The following SAMD12 variants were observed in gnomAD, a reference collection of about 807,000 sequenced individuals.
SAMD12 encodes sterile alpha motif domain containing 12.
In SAMD12, 9 loss-of-function variants were observed where a neutral mutation model predicts 15.0. The ratio of observed to expected loss-of-function variants is 0.60; its 90% CI spans 0.36 to 1.05. The LOEUF (loss-of-function observed/expected upper bound fraction) is 1.05, where lower values mean the gene tolerates loss of function less well. Ranked by LOEUF, SAMD12 falls within the 50% of genes least tolerant of loss-of-function variation. The pLI is 0.01. For missense variants in SAMD12, 230 were observed against 234.2 expected, an observed-to-expected ratio of 0.98 and a Z score of 0.12; for synonymous variants, 86 against 90.1, an observed-to-expected ratio of 0.96 and a Z score of 0.25.
intron 2 of SAMD12, among the ~76,000 whole-genome samples, chr8:118,543,307 C>T (rs1025017565): frequency 1.3e-5 from 2 of 152,174 alleles, no homozygotes; most frequent in East Asian, 1.9e-4. Context: ...GTACAACTTC[C>T]AAATCTCTTA....
intron 4 of SAMD12, among the ~76,000 whole-genome samples, chr8:118,253,512 G>C (rs750416406): frequency 1.3e-5 from 2 of 151,654 alleles, no homozygotes; most frequent in Non-Finnish European, 2.9e-5. Context: ...TTGTATCTCA[G>C]GGCCTAGTGA....
Position 118,262,129 on chromosome 8 carries a change from T to C in SAMD12, c.434-64397A>G, listed in dbSNP as rs191706718. Among the ~76,000 whole-genome samples, 361 of 152,116 alleles carry C rather than the reference T, an allele frequency of 2.4e-3. 5 individuals are homozygous for C. Among genetic ancestry groups the C allele is most frequent in the Admixed American group, 0.022 (335 of 15,250 alleles). On this transcript the variant is annotated intron_variant, in intron 4 of 4. Transcript: ENST00000409003. Reference sequence around the variant, plus strand: ...AGAAGTCACAGGCTGGAACTCTCCTTCATCTGATCAACAGCCACTCACTAC... The same window carrying C: ...AGAAGTCACAGGCTGGAACTCTCCTCCATCTGATCAACAGCCACTCACTAC...
chr8:118,549,102 C>A (rs912137378), intron 2 of SAMD12, among the ~76,000 whole-genome samples: 3 of 152,234 alleles, frequency 2.0e-5, no homozygotes, highest in African/African-American at 4.8e-5. Flanking sequence ...GGGGGCAGGG[C>A]ACAGACAAAC....
intron 4 of SAMD12, among the ~76,000 whole-genome samples, chr8:118,233,905 T>A (rs1205064545): frequency 2.0e-5 from 3 of 152,268 alleles, no homozygotes; most frequent in Admixed American, 2.0e-4. Context: ...GTAGCTCCAC[T>A]CAAATGGCAG....
At chr8:118,316,337 A>T (rs924125131) in intron 4 of SAMD12, among the ~76,000 whole-genome samples, 2 of 149,306 alleles carry the variant, frequency 1.3e-5, no homozygotes, top group African/African-American at 2.5e-5. Flanking sequence ...GATCAAGACC[A>T]TCCTGGTCAA....
At chr8:118,427,419 C>T (rs1254937386) in intron 3 of SAMD12, among the ~76,000 whole-genome samples, 2 of 152,146 alleles carry the variant, frequency 1.3e-5, no homozygotes, top group Non-Finnish European at 2.9e-5. Context: ...AGATACAAAA[C>T]ATTTTGACCT....
intron 2 of SAMD12, among the ~76,000 whole-genome samples, chr8:118,443,910 C>G (rs1822828506): frequency 6.6e-6 from 1 of 152,188 alleles, no homozygotes; most frequent in African/African-American, 2.4e-5. Context: ...ATTAGAACAA[C>G]AAGAAGTACA....
chr8:118,389,490 G>C (rs899350712), intron 3 of SAMD12, among the ~76,000 whole-genome samples: 1 of 152,190 alleles, frequency 6.6e-6, no homozygotes. Context: ...GATCACTTGA[G>C]GTCAGGAGTT....
At chr8:118,543,427 A>G (rs1221551110) in intron 2 of SAMD12, among the ~76,000 whole-genome samples, 1 of 152,174 alleles carries the variant, frequency 6.6e-6, no homozygotes, top group Non-Finnish European at 1.5e-5. Context: ...TGATCAAACA[A>G]AAACGCACCT....
At chr8:118,487,838 C>T (rs1200145669) in intron 2 of SAMD12, among the ~76,000 whole-genome samples, 3 of 148,108 alleles carry the variant, frequency 2.0e-5, no homozygotes, top group Non-Finnish European at 4.6e-5. Flanking sequence ...TCCAGCATGG[C>T]TGGACAAATG....
At chr8:118,568,599 C>G (rs1456258435) in intron 2 of SAMD12, among the ~76,000 whole-genome samples, 1 of 152,038 alleles carries the variant, frequency 6.6e-6, no homozygotes, top group Non-Finnish European at 1.5e-5. Flanking sequence ...CAAAATTGAG[C>G]CTGATTTTGA....
chr8:118,152,240 G>T, the SAMD12 span, among the ~76,000 whole-genome samples: 1 of 152,148 alleles, frequency 6.6e-6, no homozygotes, highest in Non-Finnish European at 1.5e-5. Flanking sequence ...AGAGTTTAAA[G>T]TTGGGATCTG....
rs185627674 is a variant in SAMD12 at position 118,207,776 on chromosome 8, A to G, written c.434-10044T>C. ...TTTAATTTCAAGGGCTTCTCTGTTGACTGATCCAACAGATTCTGCATTGGA... is the reference window on the plus strand; with the variant it reads ...TTTAATTTCAAGGGCTTCTCTGTTGGCTGATCCAACAGATTCTGCATTGGA... On this transcript the variant is annotated intron_variant, in intron 4 of 4. Coordinates refer to the SAMD12 transcript ENST00000409003. 3.9e-5 allele frequency among the ~76,000 whole-genome samples: 6 copies of G among 152,124 alleles called. No homozygotes were observed. The East Asian group carries it at 1.2e-3, about 29-fold the overall frequency.
chr8:118,589,686 A>G (rs1451283788), intron 1 of SAMD12, among the ~76,000 whole-genome samples: 1 of 152,190 alleles, frequency 6.6e-6, no homozygotes, highest in Non-Finnish European at 1.5e-5. Flanking sequence ...TGAGAGATTG[A>G]TAAGTGGTCT....
chr8:118,314,542 A>G (rs1563755751), intron 4 of SAMD12, among the ~76,000 whole-genome samples: 1 of 152,194 alleles, frequency 6.6e-6, no homozygotes, highest in Non-Finnish European at 1.5e-5. Context: ...AGCCACATCC[A>G]TCCCTCACTC....
intron 3 of SAMD12, among the ~76,000 whole-genome samples, chr8:118,415,311 G>T (rs1278768753): frequency 7.9e-5 from 12 of 152,036 alleles, no homozygotes; most frequent in Non-Finnish European, 1.5e-5. Flanking sequence ...TTATTCAACT[G>T]GCACCTCTAA....
At chr8:118,281,688 A>G (rs1168366977) in intron 4 of SAMD12, among the ~76,000 whole-genome samples, 1 of 152,146 alleles carries the variant, frequency 6.6e-6, no homozygotes, top group Non-Finnish European at 1.5e-5. Flanking sequence ...AATAGTTCTA[A>G]ACCAGGCTCT....
In SAMD12 at chr8:118,508,025, G is replaced by A. The variant is rs898570994; in HGVS notation, c.193-68064C>T. 3.1e-5 allele frequency among the ~76,000 whole-genome samples: 4 copies of A among 130,972 alleles called. No homozygotes were observed. The South Asian group carries it at 7.1e-4, about 23-fold the overall frequency. The allele number at this position is 130,972 out of a possible 152,430, so 85.9% of individuals were successfully genotyped here. ...TTTTTTTTTTTTGAGACAGGGTCTCGCTCTGTCAACCATGCTGGGGTGCAG... is the reference window on the plus strand; with the variant it reads ...TTTTTTTTTTTTGAGACAGGGTCTCACTCTGTCAACCATGCTGGGGTGCAG... On this transcript the variant is annotated intron_variant, in intron 2 of 3. Coordinates refer to ENST00000314727, the MANE Select transcript of SAMD12 (RefSeq NM_207506.3).
chr8:118,597,623 G>C (rs1563604429), intron 1 of SAMD12, among the ~76,000 whole-genome samples: 1 of 152,178 alleles, frequency 6.6e-6, no homozygotes, highest in South Asian at 2.1e-4. Flanking sequence ...GGTGCGAGAG[G>C]AGTTGGCTCT....
Sources: allele counts gnomAD v4.1 joint callset (sites outside exome capture counted in the v4.1 genomes callset), GRCh38; gene constraint gnomAD v4.1.1; transcripts MANE v1.5; gene names NCBI Gene and HGNC (gene_info 2026-07-23, HGNC 2026-07-21).